The following HTR3A variants were observed in gnomAD, a reference collection of about 807,000 sequenced individuals.
The protein encoded by HTR3A is 5-hydroxytryptamine receptor 3A, also known as 5-hydroxytryptamine (serotonin) receptor 3A, ionotropic.
In HTR3A, 45 loss-of-function variants were observed where a neutral mutation model predicts 54.8. The ratio of observed to expected loss-of-function variants is 0.82; its 90% confidence interval spans 0.65 to 1.05. The LOEUF is 1.05. Ranked by LOEUF, HTR3A falls within the 50% of genes least tolerant of loss-of-function variation. The pLI, the probability that HTR3A is intolerant of heterozygous loss-of-function variation, is 0.00. For synonymous variants in HTR3A, 297 were observed against 256.0 expected (o/e 1.16, Z -1.53); for missense variants, 657 against 614.0 (o/e 1.07, Z -0.74).
intron 1 of HTR3A, chr11:113,977,565 C>A: frequency 6.5e-7 from 1 of 1,545,284 alleles, no homozygotes; most frequent in Non-Finnish European, 8.8e-7. Context: ...ATGCATAGGT[C>A]CTTTCTACAA....
intron 5 of HTR3A, among the ~76,000 whole-genome samples, chr11:113,984,199 A>G (rs1255606200): frequency 6.6e-6 from 1 of 152,030 alleles, no homozygotes; most frequent in East Asian, 1.9e-4. Context: ...TCAGCTCCTC[A>G]GTTTACCCTC....
At chr11:113,986,378 G>T (rs979689573) in intron 6 of HTR3A, 140 bp from the exon 7 acceptor site, 1 of 1,080,090 alleles carries the variant, frequency 9.3e-7, no homozygotes. Flanking sequence ...GAGAGGCAGG[G>T]TATGGGGGTC....
intron 1 of HTR3A, among the ~76,000 whole-genome samples, chr11:113,975,960 C>T (rs571340744): frequency 1.8e-4 from 27 of 152,228 alleles, no homozygotes; most frequent in South Asian, 6.2e-4. Flanking sequence ...ACTCCAGTAA[C>T]GCCCAATTTC....
chr11:113,977,078 A>G (rs1176724), intron 1 of HTR3A, among the ~76,000 whole-genome samples: 3 of 151,898 alleles, frequency 2.0e-5, no homozygotes, highest in African/African-American at 7.3e-5. Flanking sequence ...CCAACCACCT[A>G]TCTAAGCCCA....
At chr11:113,984,875 A>T (rs1246195726) in intron 5 of HTR3A, among the ~76,000 whole-genome samples, 3 of 116,486 alleles carry the variant, frequency 2.6e-5, no homozygotes, top group Non-Finnish European at 3.6e-5. Flanking sequence ...CCGAGGTTGC[A>T]CCACTGCACT....
rs1259803952 is a variant in HTR3A, at chr11:113,987,074, C to T, written c.1138+28C>T. ...GAGAAACAGAAGGGAAGAGTCCATA[C>T]AGAGGGGCTGCTTCTGGCTTGGATG... is the stretch of plus-strand genomic sequence containing the variant. On this transcript the variant is annotated intron_variant, in intron 8 of 8. Transcript: ENST00000504030. 5 of 1,607,574 alleles carry T rather than the reference C, an allele frequency of 3.1e-6. No individual in the cohort carries two copies. The East Asian group carries it at 1.1e-4, about 36-fold the overall frequency.
intron 2 of HTR3A, 118 bp from the exon 3 acceptor site, chr11:113,979,115 C>T (rs1950389853): frequency 7.3e-6 from 6 of 821,838 alleles, no homozygotes; most frequent in East Asian, 2.5e-5. Context: ...CCCTGCTCTT[C>T]ACTTTCACTT....
rs536705699 is a variant in HTR3A at position 113,984,646 on chromosome 11, C to T, written c.544+1357C>T. ...AAGAAGGCATCCCCCAGGCCGGGCG[C>T]GGTGGCTCACGCCTGTAATCCCAGC... On this transcript the variant is annotated intron_variant, in intron 5 of 8. Transcript: ENST00000504030. Among the ~76,000 whole-genome samples the T allele has an allele frequency of 1.1e-4, 16 of 152,108 alleles. No homozygotes were observed. In the South Asian group the frequency reaches 1.2e-3, roughly 12 times the overall value.
At chr11:113,975,719 A>T (rs1321990095) in intron 1 of HTR3A, among the ~76,000 whole-genome samples, 1 of 152,142 alleles carries the variant, frequency 6.6e-6, no homozygotes, top group Non-Finnish European at 1.5e-5. Context: ...AACTATTTGA[A>T]TGAAAGCTGC....
chr11:113,980,940 C>A (rs1591602024), intron 3 of HTR3A: 2 of 494,334 alleles, frequency 4.0e-6, no homozygotes, highest in Non-Finnish European at 7.4e-6. Context: ...GGAGGGGGAA[C>A]TCACAGCATT....
At chr11:113,984,033 CA>C (rs894926043) in intron 5 of HTR3A, among the ~76,000 whole-genome samples, 3 of 152,174 alleles carry the variant, frequency 2.0e-5, no homozygotes, top group African/African-American at 7.2e-5. Context: ...TTTCTAGCCC[CA>C]AACCCTCATA....
At chr11:113,981,475 C>T (rs761265582) in intron 4 of HTR3A, among the ~76,000 whole-genome samples, 163 bp downstream of exon 4, 11 of 152,164 alleles carry the variant, frequency 7.2e-5, no homozygotes, top group Non-Finnish European at 1.3e-4. Flanking sequence ...GTCTTCCCCC[C>T]CGACCTTTTT....
intron 2 of HTR3A, among the ~76,000 whole-genome samples, chr11:113,978,331 T>C (rs900372447): frequency 9.9e-5 from 15 of 152,146 alleles, no homozygotes; most frequent in Admixed American, 4.6e-4. Flanking sequence ...CAATTATTCC[T>C]CAATTCCTTC....
At chr11:113,983,014 T>A (rs1238913390) in intron 4 of HTR3A, 106 bp from the exon 5 acceptor site, 2 of 1,312,662 alleles carry the variant, frequency 1.5e-6, no homozygotes, top group African/African-American at 2.9e-5. Flanking sequence ...CGGCTGCCTA[T>A]ACCCTCCCCG....
At position 113,989,572 on chromosome 11, in the gene HTR3A, T is replaced by A; in HGVS notation, c.1246T>A (p.Cys416Ser). 6.2e-7 allele frequency: 1 copy of A among 1,614,170 alleles called. No individual in the cohort carries two copies. The highest frequency in any genetic ancestry group is 8.5e-7 in the Non-Finnish European group (1 of 1,180,030). Residue 416 changes from cysteine (C) to serine (S), a missense_variant, in exon 9 of 9, where the codon TGT becomes AGT. Coordinates refer to ENST00000504030, the MANE Select transcript of HTR3A (RefSeq NM_000869.6). The surrounding 1 kb of genome is among the most constrained non-coding windows in gnomAD (Gnocchi z 4.4). ...ACCTCGGGAGGCCTCGCTGGCGGTG[T>A]GTGGGCTGCTGCAGGAGCTGTCCTC... is the stretch of plus-strand genomic sequence containing the variant. ...PPPREASLAVCGLLQELSSIR... is the reference protein window; with the variant it reads ...PPPREASLAVSGLLQELSSIR...
At chr11:113,982,975 C>A in intron 4 of HTR3A, 145 bp from the exon 5 acceptor site, 3 of 895,748 alleles carry the variant, frequency 3.3e-6, no homozygotes, top group Non-Finnish European at 3.6e-6. Flanking sequence ...GTTGGAAAAA[C>A]CGAGGCCAGG....
At chr11:113,980,848 T>C (rs182673340) in intron 3 of HTR3A, among the ~76,000 whole-genome samples, 64 of 152,362 alleles carry the variant, frequency 4.2e-4, no homozygotes, top group African/African-American at 1.5e-3. Context: ...GTCTCCACCC[T>C]GTGAAGGAGA....
At chr11:113,981,922 C>T (rs1212984595) in intron 4 of HTR3A, among the ~76,000 whole-genome samples, 3 of 151,642 alleles carry the variant, frequency 2.0e-5, no homozygotes, top group Admixed American at 6.6e-5. Flanking sequence ...CACACCATTA[C>T]ACTCCAGCCT....
chr11:113,976,047 CT>C (rs1183693633), intron 1 of HTR3A, among the ~76,000 whole-genome samples: 4 of 152,160 alleles, frequency 2.6e-5, no homozygotes, highest in Non-Finnish European at 4.4e-5. Flanking sequence ...GACCGGCTTC[CT>C]TTTGCTGCAG....
Sources: allele counts gnomAD v4.1 joint callset (sites outside exome capture counted in the v4.1 genomes callset), GRCh38; gene constraint gnomAD v4.1.1; non-coding constraint Gnocchi (gnomAD v3.1); transcripts MANE v1.5; gene names NCBI Gene and HGNC (gene_info 2026-07-23, HGNC 2026-07-21).